The following ANKS1B variants were observed in gnomAD, a reference collection of about 807,000 sequenced individuals.
The protein encoded by ANKS1B is ankyrin repeat and sterile alpha motif domain-containing protein 1B.
In ANKS1B, 36 loss-of-function variants were observed where a neutral mutation model predicts 148.3. The ratio of observed to expected loss-of-function variants is 0.24; its 90% CI spans 0.19 to 0.32. ANKS1B has a LOEUF of 0.32. ANKS1B is among the 10% of genes least tolerant of loss of function. The pLI, the probability that ANKS1B is intolerant of heterozygous loss-of-function variation, is 1.00. For missense variants in ANKS1B, 1,157 were observed against 1,542.6 expected (o/e 0.75, Z 4.19); for synonymous variants, 542 against 560.8 (o/e 0.97, Z 0.47).
chr12:99,634,097 A>T (rs147667938), intron 9 of ANKS1B, among the ~76,000 whole-genome samples: 128 of 152,308 alleles, frequency 8.4e-4, no homozygotes, highest in Non-Finnish European at 8.2e-4. Flanking sequence ...TATGGTTTGA[A>T]TATTTTCCCA....
At chr12:99,644,331 G>A (rs921809982) in intron 9 of ANKS1B, among the ~76,000 whole-genome samples, 3 of 151,976 alleles carry the variant, frequency 2.0e-5, no homozygotes, top group Non-Finnish European at 2.9e-5. Context: ...CAATGATTTA[G>A]GTATTCTCTA....
chr12:99,590,254 CCACCCACACACACACACACACA>C (rs2097687848), intron 9 of ANKS1B, among the ~76,000 whole-genome samples: 1 of 130,326 alleles, frequency 7.7e-6, no homozygotes, highest in Admixed American at 7.5e-5. Flanking sequence ...ACACCCACAC[CCACCCACACACACACACACACA>C]CACACACACA....
At chr12:99,212,735 G>C (rs2153917793) in intron 14 of ANKS1B, among the ~76,000 whole-genome samples, 1 of 152,266 alleles carries the variant, frequency 6.6e-6, no homozygotes, top group East Asian at 1.9e-4. Context: ...GAGGGCTCTG[G>C]GGTCTCTTCA....
chr12:99,536,122 A>G (rs12298165), intron 9 of ANKS1B, among the ~76,000 whole-genome samples: 34,364 of 152,082 alleles, frequency 0.23, 4,095 homozygotes, highest in East Asian at 0.3. Flanking sequence ...CCTGATACAG[A>G]ACTCACTCAG....
At chr12:98,742,073 G>C (rs1241606440), downstream of ANKS1B, among the ~76,000 whole-genome samples, 1 of 152,242 alleles carries the variant, frequency 6.6e-6, no homozygotes, top group Admixed American at 6.5e-5. Context: ...GTGGTGATGA[G>C]ACAGAACTTC....
At chr12:99,589,431 G>A (rs1443831620) in intron 9 of ANKS1B, among the ~76,000 whole-genome samples, 1 of 152,116 alleles carries the variant, frequency 6.6e-6, no homozygotes. Context: ...ACATACACAT[G>A]TACTTCTGAT....
At chr12:99,257,960 G>C (rs1037440406) in intron 12 of ANKS1B, among the ~76,000 whole-genome samples, 3 of 152,156 alleles carry the variant, frequency 2.0e-5, no homozygotes, top group Non-Finnish European at 2.9e-5. Flanking sequence ...AGAGTGACTG[G>C]AGCAGGCAAT....
chr12:98,791,580 TA>T (rs1055018445), intron 22 of ANKS1B, among the ~76,000 whole-genome samples: 13 of 152,112 alleles, frequency 8.5e-5, no homozygotes, highest in African/African-American at 3.1e-4. Context: ...GGGATCTGGC[TA>T]TGTTGCCCCG....
intron 17 of ANKS1B, chr12:98,893,781 G>A (rs944214056): frequency 3.9e-5 from 6 of 152,242 alleles, no homozygotes; most frequent in Non-Finnish European, 7.3e-5. Flanking sequence ...GCGAGGACTC[G>A]CCTTCCTGGC....
chr12:99,724,579 A>T (rs1345908962), intron 8 of ANKS1B, among the ~76,000 whole-genome samples: 1 of 152,172 alleles, frequency 6.6e-6, no homozygotes, highest in Non-Finnish European at 1.5e-5. Flanking sequence ...TGCAAAACAC[A>T]CTTCAGGATG....
rs139344052 is a variant in ANKS1B, at chr12:98,936,403, C to A, written c.2779-104267G>T. Among the ~76,000 whole-genome samples the A allele has an allele frequency of 3.9e-4, 59 of 152,102 alleles. No homozygotes were observed. In the East Asian group the frequency reaches 8.5e-3, roughly 22 times the overall value. On this transcript the variant is annotated intron_variant, in intron 17 of 26. Transcript: ENST00000683438. ...CAGCACTTTGGGAGGCTGAGGTGGG[C>A]GGATCATGAGGTCAAGAGGTTGAGA...
chr12:99,270,312 T>C (rs373124601), intron 12 of ANKS1B, among the ~76,000 whole-genome samples: 1 of 152,198 alleles, frequency 6.6e-6, no homozygotes, highest in South Asian at 2.1e-4. Context: ...AAATATCACC[T>C]CCTCAGAGAG....
At chr12:99,195,047 G>A (rs546428933) in intron 14 of ANKS1B, among the ~76,000 whole-genome samples, 21 of 152,064 alleles carry the variant, frequency 1.4e-4, no homozygotes, top group African/African-American at 5.1e-4. Flanking sequence ...AGATAAAGTG[G>A]CTTTCCAGAA....
rs748856005 is a variant in ANKS1B at position 99,648,755 on chromosome 12, C to A, written c.1272+6312G>T. On this transcript the variant is annotated intron_variant, in intron 9 of 26. Coordinates refer to ENST00000683438, the MANE Select transcript of ANKS1B (RefSeq NM_001352186.2). ...ATCCTAGCTGGGAACACATTGGACT[C>A]ATCTGTGTTGGAGGAAGTGCAGAGG... The A allele has an allele frequency of 1.3e-5, 21 of 1,613,254 alleles. No homozygotes were observed. In the South Asian group the frequency reaches 2.2e-4, roughly 17 times the overall value.
rs78842925 is a variant in ANKS1B at position 99,529,302 on chromosome 12, G to A, written c.1273-24661C>T. 7.0e-3 allele frequency among the ~76,000 whole-genome samples: 1,060 copies of A among 152,194 alleles called. 13 individuals are homozygous for A. The highest frequency in any genetic ancestry group is 0.022 in the African/African-American group (922 of 41,530). On this transcript the variant is annotated intron_variant, in intron 9 of 26. Transcript: ENST00000683438. ...AAGAGGAGAATGTTCACCTAGACTC[G>A]AACCCTTGAACCATTTATCTTTCTC...
chr12:99,983,310 C>T (rs1034488408), intron 1 of ANKS1B, among the ~76,000 whole-genome samples: 2 of 152,072 alleles, frequency 1.3e-5, no homozygotes, highest in Middle Eastern at 3.2e-3. Context: ...AAATCAACCC[C>T]GCTATTTCCA....
chr12:99,758,499 T>C lies in ANKS1B; in HGVS notation c.1128+14423A>G, dbSNP rs542903382. 1.3e-3 allele frequency among the ~76,000 whole-genome samples: 204 copies of C among 151,830 alleles called. 2 individuals carry two copies. Among genetic ancestry groups the C allele is most frequent in the African/African-American group, 4.8e-3 (199 of 41,488 alleles). On this transcript the variant is annotated intron_variant, in intron 8 of 26. Coordinates refer to ENST00000683438, the MANE Select transcript of ANKS1B (RefSeq NM_001352186.2). Reference sequence around the variant, plus strand: ...CTTATCACCTCTATCCTCACAACAATCCTGCAAGGTACTATTATTCTTATT... The same window carrying C: ...CTTATCACCTCTATCCTCACAACAACCCTGCAAGGTACTATTATTCTTATT...
chr12:99,238,117 A>C (rs936094050), intron 14 of ANKS1B, among the ~76,000 whole-genome samples: 1 of 152,218 alleles, frequency 6.6e-6, no homozygotes, highest in Non-Finnish European at 1.5e-5. Flanking sequence ...AGGAAGTGCA[A>C]GGGGTTGGGG....
At chr12:99,538,895 T>G (rs1221052003) in intron 9 of ANKS1B, among the ~76,000 whole-genome samples, 1 of 152,170 alleles carries the variant, frequency 6.6e-6, no homozygotes, top group Non-Finnish European at 1.5e-5. Flanking sequence ...TGGCTTTAAT[T>G]ATGTTGAGGT....
Sources: allele counts gnomAD v4.1 joint callset (sites outside exome capture counted in the v4.1 genomes callset), GRCh38; gene constraint gnomAD v4.1.1; transcripts MANE v1.5; gene names NCBI Gene and HGNC (gene_info 2026-07-23, HGNC 2026-07-21).